UNC5C: variants seen among roughly 807,000 people sequenced by gnomAD.
The protein encoded by UNC5C is netrin receptor UNC5C.
Under a neutral mutation model 99.8 loss-of-function variants are expected in UNC5C, and 47 were observed. The ratio of observed to expected loss-of-function variants is 0.47; its 90% CI spans 0.37 to 0.60. UNC5C has a LOEUF of 0.60. UNC5C is among the 20% of genes least tolerant of loss of function. UNC5C has a pLI of 0.00. For missense variants in UNC5C, 1,062 were observed against 1,165.9 expected (o/e 0.91, Z 1.30); for synonymous variants, 487 against 452.2 (o/e 1.08, Z -0.98).
Position 95,166,931 on chromosome 4 carries a change from T to TAA in UNC5C, c.*2302_*2303insTT, listed in dbSNP as rs1325362269. 2.6e-5 allele frequency: 4 copies of TAA among 152,126 alleles called. No individual in the cohort carries two copies. Among genetic ancestry groups the TAA allele is most frequent in the African/African-American group, 9.7e-5 (4 of 41,410 alleles). 9.4% of individuals were successfully genotyped at this position (152,126 alleles called of 1,614,324 possible). On this transcript the variant is annotated 3_prime_UTR_variant, in exon 16 of 16. Coordinates refer to ENST00000453304, the MANE Select transcript of UNC5C (RefSeq NM_003728.4). ...CTCCCTTCCCCAGTCAGTGTACAAA[T>TAA]ATTTTAAATATGGAAATCCTAATGC...
chr4:95,272,761 C>T (rs142657317), intron 4 of UNC5C, among the ~76,000 whole-genome samples: 1,587 of 152,296 alleles, frequency 0.01, 33 homozygotes, highest in African/African-American at 0.036. Context: ...AATTACTGGG[C>T]ACTGAAAGCA....
intron 15 of UNC5C, 102 bp downstream of exon 15, chr4:95,170,052 T>G: frequency 7.0e-7 from 1 of 1,435,570 alleles, no homozygotes; most frequent in Admixed American, 2.2e-5. Flanking sequence ...TAAATAGATG[T>G]GTGGATGGAA....
intron 12 of UNC5C, among the ~76,000 whole-genome samples, chr4:95,186,385 GGATT>G (rs1323016370): frequency 6.6e-6 from 1 of 152,148 alleles, no homozygotes; most frequent in Non-Finnish European, 1.5e-5. Context: ...TCGCAGTGGA[GGATT>G]TCAGGCATGG....
chr4:95,315,268 T>C (rs1034835341), intron 2 of UNC5C, among the ~76,000 whole-genome samples: 1 of 152,190 alleles, frequency 6.6e-6, no homozygotes, highest in Admixed American at 6.5e-5. Context: ...CAAGATGGAA[T>C]GGCTGAAACA....
chr4:95,451,455 G>A (rs899658295), intron 1 of UNC5C, among the ~76,000 whole-genome samples: 1 of 152,056 alleles, frequency 6.6e-6, no homozygotes, highest in Non-Finnish European at 1.5e-5. Flanking sequence ...GTAAAATCTC[G>A]ATATCTTAAC....
intron 4 of UNC5C, among the ~76,000 whole-genome samples, chr4:95,263,080 G>T (rs1476580781): frequency 6.6e-6 from 1 of 152,176 alleles, no homozygotes; most frequent in African/African-American, 2.4e-5. Context: ...CTCCCAAAGT[G>T]CTGGGATTAC....
At chr4:95,236,150 C>T (rs2149375552) in intron 7 of UNC5C, among the ~76,000 whole-genome samples, 1 of 152,226 alleles carries the variant, frequency 6.6e-6, no homozygotes, top group East Asian at 1.9e-4. Flanking sequence ...TTTATTGCAG[C>T]ACTATTCACA....
At chr4:95,436,344 G>A (rs1179838834) in intron 1 of UNC5C, among the ~76,000 whole-genome samples, 1 of 151,714 alleles carries the variant, frequency 6.6e-6, no homozygotes, top group East Asian at 1.9e-4. Context: ...TCTTGGAGGT[G>A]GACTCTGAAA....
chr4:95,263,347 T>C (rs1740317238), intron 4 of UNC5C, among the ~76,000 whole-genome samples: 1 of 152,230 alleles, frequency 6.6e-6, no homozygotes, highest in Non-Finnish European at 1.5e-5. Context: ...TATGTATTTT[T>C]TAAGTCTTTT....
At chr4:95,297,524 A>G (rs890506787) in intron 3 of UNC5C, among the ~76,000 whole-genome samples, 8 of 152,214 alleles carry the variant, frequency 5.3e-5, no homozygotes, top group African/African-American at 1.9e-4. Context: ...TCTTGATCTC[A>G]TGGAACTCAC....
In UNC5C at chr4:95,220,140, C is replaced by T; in HGVS notation, c.1145G>A (p.Gly382Glu). The T allele has an allele frequency of 6.2e-7, 1 of 1,613,896 alleles. No individual in the cohort carries two copies. Among genetic ancestry groups the T allele is most frequent in the Non-Finnish European group, 8.5e-7 (1 of 1,179,934 alleles). ...PDSDDVALYV[G>E]IVIAVIVCLA... Reference sequence around the variant, plus strand: ...GCAAACGATCACTGCTATCACAATCCCAACATAGAGAGCAACATCATCTGA... The same window carrying T: ...GCAAACGATCACTGCTATCACAATCTCAACATAGAGAGCAACATCATCTGA... Residue 382 changes from glycine to glutamate, a missense_variant, in exon 8 of 16, where the codon GGG becomes GAG. Gly to Glu is a moderately conservative substitution (Grantham distance 98). This residue lies in a region of UNC5C where 810 missense variants were observed against 854.5 expected (regional missense o/e 0.95). Transcript: ENST00000453304.
At chr4:95,414,019 G>T (rs1746086061) in intron 1 of UNC5C, among the ~76,000 whole-genome samples, 2 of 152,184 alleles carry the variant, frequency 1.3e-5, no homozygotes, top group Admixed American at 6.5e-5. Flanking sequence ...AATAGTGGAG[G>T]CACATGGGCA....
chr4:95,262,374 A>C (rs1291160137), intron 4 of UNC5C, among the ~76,000 whole-genome samples: 1 of 152,200 alleles, frequency 6.6e-6, no homozygotes, highest in East Asian at 1.9e-4. Flanking sequence ...ACATAAGTCC[A>C]CGTATTTCTA....
chr4:95,228,213 T>TC (rs1738766760), intron 7 of UNC5C, among the ~76,000 whole-genome samples: 1 of 152,158 alleles, frequency 6.6e-6, no homozygotes, highest in African/African-American at 2.4e-5. Context: ...AATCTTCATT[T>TC]CCCCAATAAA....
intron 1 of UNC5C, among the ~76,000 whole-genome samples, chr4:95,490,171 T>C (rs1211757935): frequency 6.6e-6 from 1 of 151,534 alleles, no homozygotes; most frequent in Non-Finnish European, 1.5e-5. Context: ...CACGATTTCA[T>C]GGCAATCAAG....
chr4:95,508,840 T>C (rs1366820729), intron 1 of UNC5C, among the ~76,000 whole-genome samples: 1 of 151,978 alleles, frequency 6.6e-6, no homozygotes, highest in Non-Finnish European at 1.5e-5. Flanking sequence ...ATATTTTTAA[T>C]ATAGTATCCC....
At chr4:95,190,136 A>G (rs1192348652) in intron 12 of UNC5C, among the ~76,000 whole-genome samples, 4 of 152,224 alleles carry the variant, frequency 2.6e-5, no homozygotes, top group African/African-American at 9.6e-5. Flanking sequence ...TGTGGCACAT[A>G]TACACACGAA....
At chr4:95,454,149 A>G (rs1399419758) in intron 1 of UNC5C, among the ~76,000 whole-genome samples, 1 of 152,114 alleles carries the variant, frequency 6.6e-6, no homozygotes, top group Non-Finnish European at 1.5e-5. Flanking sequence ...AATGGTTATT[A>G]TGTGTTACGC....
At chr4:95,375,065 T>A (rs754868413) in intron 1 of UNC5C, among the ~76,000 whole-genome samples, 15 of 152,170 alleles carry the variant, frequency 9.9e-5, no homozygotes, top group South Asian at 4.1e-4. Flanking sequence ...GTGGATATTT[T>A]ATTGTATTTA....
Sources: allele counts gnomAD v4.1 joint callset (sites outside exome capture counted in the v4.1 genomes callset), GRCh38; gene constraint gnomAD v4.1.1; regional missense constraint gnomAD v4.1.1; transcripts MANE v1.5; gene names NCBI Gene and HGNC (gene_info 2026-07-23, HGNC 2026-07-21).